PTPRD: variants seen among roughly 807,000 people sequenced by gnomAD.
PTPRD encodes receptor-type tyrosine-protein phosphatase delta.
In PTPRD, 34 loss-of-function variants were observed where a neutral mutation model predicts 214.5. The observed-to-expected ratio is 0.16, with a 90% CI of 0.12 to 0.21. PTPRD has a LOEUF of 0.21. Ranked by LOEUF, PTPRD falls within the 10% of genes least tolerant of loss-of-function variation. The pLI is 1.00. For missense variants in PTPRD, 2,545 were observed against 2,398.7 expected (o/e 1.06, Z -1.27); for synonymous variants, 1,128 against 845.7 (o/e 1.33, Z -5.79).
chr9:9,036,557 T>A (rs1569483426), intron 10 of PTPRD, among the ~76,000 whole-genome samples: 1 of 152,160 alleles, frequency 6.6e-6, no homozygotes, highest in African/African-American at 2.4e-5. Flanking sequence ...AATAGTAGTT[T>A]ATTAATTGTA....
intron 2 of PTPRD, among the ~76,000 whole-genome samples, chr9:10,510,927 C>T (rs1295019338): frequency 1.3e-5 from 2 of 152,102 alleles, no homozygotes; most frequent in Non-Finnish European, 2.9e-5. Context: ...ACTTTTAGTT[C>T]CCACATATGA....
At chr9:9,149,635 A>G (rs1030810843) in intron 10 of PTPRD, among the ~76,000 whole-genome samples, 1 of 152,244 alleles carries the variant, frequency 6.6e-6, no homozygotes, top group Non-Finnish European at 1.5e-5. Flanking sequence ...CAATCCAAGT[A>G]GGTGATAACA....
intron 3 of PTPRD, among the ~76,000 whole-genome samples, chr9:10,130,086 G>T (rs12553060): frequency 0.13 from 19,448 of 151,660 alleles, 1,361 homozygotes; most frequent in South Asian, 0.27. Flanking sequence ...ACAGACTTCA[G>T]ACACCCTCAA....
At chr9:10,597,574 TA>T (rs1213718704) in intron 2 of PTPRD, among the ~76,000 whole-genome samples, 4 of 151,798 alleles carry the variant, frequency 2.6e-5, no homozygotes, top group African/African-American at 9.7e-5. Flanking sequence ...GTTAAGGAGT[TA>T]AAACAGCTCA....
intron 11 of PTPRD, among the ~76,000 whole-genome samples, chr9:8,894,301 G>C (rs2098580909): frequency 7.7e-6 from 1 of 130,334 alleles, no homozygotes. Flanking sequence ...GTTTCAGTGA[G>C]CCAACATCAC....
intron 12 of PTPRD, among the ~76,000 whole-genome samples, chr9:8,644,910 G>C (rs1340460780): frequency 6.6e-6 from 1 of 152,176 alleles, no homozygotes; most frequent in African/African-American, 2.4e-5. Context: ...GGCAGAACAA[G>C]ACCAACGGGC....
chr9:10,324,630 C>T (rs2096611466), intron 3 of PTPRD, among the ~76,000 whole-genome samples: 1 of 151,930 alleles, frequency 6.6e-6, no homozygotes, highest in Non-Finnish European at 1.5e-5. Flanking sequence ...TTCCAAGATC[C>T]CTATATTTCA....
chr9:9,591,220 G>C (rs2092693901), intron 7 of PTPRD, among the ~76,000 whole-genome samples: 1 of 130,538 alleles, frequency 7.7e-6, no homozygotes, highest in Non-Finnish European at 1.7e-5. Flanking sequence ...AAGCGTGAGA[G>C]GGAGGAACCT....
chr9:8,641,183 C>A (rs982244800), intron 12 of PTPRD, among the ~76,000 whole-genome samples: 1 of 148,244 alleles, frequency 6.7e-6, no homozygotes, highest in Non-Finnish European at 1.5e-5. Flanking sequence ...GAAGAGAATT[C>A]AAGTAAAGCA....
chr9:9,921,763 A>G (rs891069279), intron 5 of PTPRD, among the ~76,000 whole-genome samples: 4 of 151,888 alleles, frequency 2.6e-5, no homozygotes, highest in Non-Finnish European at 5.9e-5. Flanking sequence ...AAAAAAAAAA[A>G]AACTAAAGAT....
At chr9:8,364,462 C>A (rs2202012) in intron 39 of PTPRD, among the ~76,000 whole-genome samples, 10,149 of 152,278 alleles carry the variant, frequency 0.067, 448 homozygotes, top group Middle Eastern at 0.14. Flanking sequence ...TGGCTGGAGC[C>A]TGAGATGAGG....
chr9:8,470,935 G>A (rs1338594447), intron 31 of PTPRD, 60 bp downstream of exon 31: 11 of 1,462,426 alleles, frequency 7.5e-6, no homozygotes, highest in African/African-American at 1.4e-5. Context: ...AAGGGAGGGG[G>A]GCGGAAATGC....
In PTPRD at chr9:8,458,296, T is replaced by A. The variant is rs1370391236; in HGVS notation, c.3875+2115A>T. 6.6e-5 allele frequency among the ~76,000 whole-genome samples: 10 copies of A among 152,152 alleles called. 1 individual carries two copies. The highest frequency in any genetic ancestry group is 6.5e-4 in the Admixed American group (10 of 15,270). On this transcript the variant is annotated intron_variant, in intron 33 of 45. Coordinates refer to ENST00000381196, the MANE Select transcript of PTPRD (RefSeq NM_002839.4). Reference sequence around the variant, plus strand: ...GAAGAAAATAGTTATCTTTTAAAAATTATTAGGGCTATAATCATATTTCTT... The same window carrying A: ...GAAGAAAATAGTTATCTTTTAAAAAATATTAGGGCTATAATCATATTTCTT...
intron 10 of PTPRD, among the ~76,000 whole-genome samples, chr9:9,128,616 T>C (rs2099837799): frequency 6.6e-6 from 1 of 152,252 alleles, no homozygotes; most frequent in Non-Finnish European, 1.5e-5. Context: ...TTTAAAAATA[T>C]ATCAGCTTTC....
chr9:8,538,799 C>T (rs1365956506), intron 14 of PTPRD, among the ~76,000 whole-genome samples: 4 of 151,880 alleles, frequency 2.6e-5, no homozygotes, highest in Non-Finnish European at 5.9e-5. Context: ...TACCCAGTAG[C>T]AATGGTCACA....
chr9:8,369,258 T>G (rs1482452554), intron 39 of PTPRD, among the ~76,000 whole-genome samples: 1 of 152,156 alleles, frequency 6.6e-6, no homozygotes, highest in African/African-American at 2.4e-5. Flanking sequence ...CTTTTGTTTT[T>G]ATGCTCTTAT....
chr9:9,376,637 C>T (rs531841914), intron 9 of PTPRD, among the ~76,000 whole-genome samples: 1 of 152,004 alleles, frequency 6.6e-6, no homozygotes, highest in Non-Finnish European at 1.5e-5. Flanking sequence ...ATGAAACAGT[C>T]TATGTCTTGA....
intron 4 of PTPRD, among the ~76,000 whole-genome samples, chr9:9,992,164 A>C (rs1349807483): frequency 1.3e-5 from 2 of 152,178 alleles, no homozygotes; most frequent in Non-Finnish European, 2.9e-5. Context: ...GGAATGAGAT[A>C]GTGACAATGG....
At chr9:9,898,174 A>T (rs759219713) in intron 5 of PTPRD, among the ~76,000 whole-genome samples, 4 of 152,114 alleles carry the variant, frequency 2.6e-5, no homozygotes, top group African/African-American at 9.7e-5. Context: ...TTTAGGGATA[A>T]ACTAGGTCAT....
Sources: gnomAD v4.1 joint callset for allele counts (sites outside exome capture counted in the v4.1 genomes callset) on GRCh38, gnomAD v4.1.1 for gene constraint, MANE v1.5 for transcripts, NCBI Gene and HGNC (gene_info 2026-07-23, HGNC 2026-07-21) for gene names.